Variants in RAD51AP2 observed in about 807,000 individuals in gnomAD.
RAD51AP2 encodes RAD51-associated protein 2.
Under a neutral mutation model 85.5 loss-of-function variants are expected in RAD51AP2, and 67 were observed. The observed-to-expected ratio is 0.78, with a 90% confidence interval of 0.64 to 0.96. The LOEUF (loss-of-function observed/expected upper bound fraction) is 0.96. RAD51AP2 is among the 40% of genes least tolerant of loss of function. The pLI, the probability that RAD51AP2 is intolerant of heterozygous loss-of-function variation, is 0.00. For synonymous variants in RAD51AP2, 474 were observed against 446.5 expected (o/e 1.06, Z -0.78); for missense variants, 1,307 against 1,332.4 (o/e 0.98, Z 0.30).
At chr2:17,533,627 AT>A in the RAD51AP2 span, among the ~76,000 whole-genome samples, 1 of 152,198 alleles carries the variant, frequency 6.6e-6, no homozygotes, top group Non-Finnish European at 1.5e-5. Context: ...TAGCAGTGAA[AT>A]TTTGTTTTCA....
At chr2:17,514,181 T>G (rs1662577699) in intron 1 of RAD51AP2, 89 bp from the exon 2 acceptor site, 4 of 801,358 alleles carry the variant, frequency 5.0e-6, no homozygotes, top group Non-Finnish European at 8.1e-6. Flanking sequence ...CAGAAATATT[T>G]CCTTCAGTTG....
intron 2 of RAD51AP2, among the ~76,000 whole-genome samples, chr2:17,511,557 T>G (rs1662495536): frequency 6.6e-6 from 1 of 152,010 alleles, no homozygotes; most frequent in Admixed American, 6.5e-5. Context: ...ACAATATCTC[T>G]AACTTTCAGG....
chr2:17,520,210 AAG>A (rs1662826821), upstream of RAD51AP2, among the ~76,000 whole-genome samples: 2 of 152,218 alleles, frequency 1.3e-5, no homozygotes, highest in Non-Finnish European at 2.9e-5. Context: ...AGACCAAAAA[AAG>A]AGTCTTTTCT....
chr2:17,529,936 T>A, the RAD51AP2 span, among the ~76,000 whole-genome samples: 1 of 152,200 alleles, frequency 6.6e-6, no homozygotes, highest in Non-Finnish European at 1.5e-5. Flanking sequence ...TGTCTGGACA[T>A]GCTCTTAGTG....
chr2:17,515,904 T>A lies in RAD51AP2; in HGVS notation c.2512A>T (p.Lys838Ter). The change falls in exon 1 of 3, where the codon AAA becomes TAA. Residue 838 changes from lysine to a stop codon, truncating the protein, a stop_gained. Transcript: ENST00000399080. LOFTEE classifies it high-confidence loss of function. ...KYDLILKEEV[K>*]VTAESLTNSC... ...TTTGTTAAACTTTCAGCTGTGACTT[T>A]TACTTCCTCTTTCAAAATTAAGTCA... The A allele has an allele frequency of 6.2e-7, 1 of 1,603,802 alleles. No homozygotes were observed. The highest frequency in any genetic ancestry group is 8.5e-7 in the Non-Finnish European group (1 of 1,177,354).
At chr2:17,522,595 A>T (rs1209470559), upstream of RAD51AP2, among the ~76,000 whole-genome samples, 1 of 152,032 alleles carries the variant, frequency 6.6e-6, no homozygotes, top group African/African-American at 2.4e-5. Context: ...TACTCTAATA[A>T]ATTTCAGTAA....
chr2:17,513,656 A>G (rs751144700), intron 2 of RAD51AP2, among the ~76,000 whole-genome samples: 19 of 152,188 alleles, frequency 1.2e-4, no homozygotes, highest in Non-Finnish European at 2.5e-4. Context: ...CTTCATAACA[A>G]TGAGAAGCAT....
At position 17,516,571 on chromosome 2, in the gene RAD51AP2, C is replaced by T; in HGVS notation, c.1845G>A (p.Leu615=). 6.3e-7 allele frequency: 1 copy of T among 1,583,726 alleles called. No homozygotes were observed. The change falls in exon 1 of 3, where the codon TTG becomes TTA. Residue 615 remains leucine (L), a synonymous_variant. Coordinates refer to ENST00000399080, the MANE Select transcript of RAD51AP2 (RefSeq NM_001099218.3). ...EECIFKCMLY[L]KYPKNIVENH... ...TTTCCACTATATTTTTTGGATACTT[C>T]AAATAAAGCATGCACTTGAAAATGC...
the RAD51AP2 span, among the ~76,000 whole-genome samples, chr2:17,524,095 T>C: frequency 4.6e-5 from 7 of 151,956 alleles, no homozygotes; most frequent in Non-Finnish European, 1.0e-4. Context: ...CAACAATACA[T>C]TGCCGAATCA....
rs1262311306 is a variant in RAD51AP2, at chr2:17,516,613, A to G, written c.1803T>C (p.Phe601=). ...TGAAAATGCATTCCTCTTCTAATTC[A>G]AAATCATTTTCAATTCTTGTTAAAG... ...FDSLTRIEND[F]ELEEECIFKC... The change falls in exon 1 of 3, where the codon TTT becomes TTC. Residue 601 remains phenylalanine, a synonymous_variant. Coordinates refer to ENST00000399080, the MANE Select transcript of RAD51AP2 (RefSeq NM_001099218.3). 1 of 1,575,532 alleles carries G rather than the reference A, an allele frequency of 6.3e-7. No individual in the cohort carries two copies. Among genetic ancestry groups the G allele is most frequent in the South Asian group, 1.2e-5 (1 of 84,180 alleles).
At position 17,517,252 on chromosome 2, in the gene RAD51AP2, C is replaced by T. The variant is rs746394950; in HGVS notation, c.1164G>A (p.Arg388=). 7 of 1,613,924 alleles carry T rather than the reference C, an allele frequency of 4.3e-6. No homozygotes were observed. The highest frequency in any genetic ancestry group is 5.9e-6 in the Non-Finnish European group (7 of 1,179,924). ...AGTCCCAGTTTTGAGATTTTTCCAG[C>T]CTGGTAAGTACGTAACTGTCCAGAC... ...AECLDSYVLT[R]LEKSQNWDCN... The change falls in exon 1 of 3, where the codon AGG becomes AGA. Residue 388 remains arginine, a synonymous_variant. Transcript: ENST00000399080.
chr2:17,520,935 T>C (rs1314715176), upstream of RAD51AP2, among the ~76,000 whole-genome samples: 1 of 152,150 alleles, frequency 6.6e-6, no homozygotes, highest in Non-Finnish European at 1.5e-5. Context: ...TCCTCCCTGC[T>C]GTAGCCAATC....
chr2:17,516,452 G>C lies in RAD51AP2; in HGVS notation c.1964C>G (p.Thr655Ser), dbSNP rs747995073. The C allele has an allele frequency of 7.8e-5, 123 of 1,568,988 alleles. No homozygotes were observed. The highest frequency in any genetic ancestry group is 9.6e-5 in the Non-Finnish European group (111 of 1,154,442). Residue 655 changes from threonine to serine, a missense_variant, in exon 1 of 3, where the codon ACT (threonine) becomes AGT (serine). Coordinates refer to ENST00000399080, the MANE Select transcript of RAD51AP2 (RefSeq NM_001099218.3). ...PMLKKRKLFR[T>S]EQVFEKSKKK... ...CTTAGACTTTTCAAAAACTTGTTCA[G>C]TTCTAAATAACTTCCTTTTCTTTAA...
chr2:17,513,887 T>G (rs1662569061), intron 2 of RAD51AP2, 125 bp downstream of exon 2: 1 of 624,432 alleles, frequency 1.6e-6, no homozygotes, highest in Admixed American at 3.1e-5. Flanking sequence ...ATTAATGCTC[T>G]TAAAAGGTGC....
chr2:17,527,569 T>C, the RAD51AP2 span, among the ~76,000 whole-genome samples: 2 of 152,180 alleles, frequency 1.3e-5, no homozygotes, highest in Non-Finnish European at 2.9e-5. Context: ...GAACCTGTAT[T>C]GTAGTATCGG....
Position 17,510,877 on chromosome 2 carries a change from C to T in RAD51AP2, c.3407G>A (p.Arg1136Lys), listed in dbSNP as rs751389476. ...CSRPIRIGLS[R>K]KARIKQLHPY... ...ATGAAGTTGTTTAATCCTTGCTTTT[C>T]TTGACAAACCAATCCTGATTGGCCT... The change falls in exon 3 of 3, where the codon AGA becomes AAA. Residue 1136 changes from arginine (R) to lysine (K), a missense_variant. Transcript: ENST00000399080. The T allele has an allele frequency of 1.2e-6, 2 of 1,609,532 alleles. No homozygotes were observed. Among genetic ancestry groups the T allele is most frequent in the East Asian group, 2.2e-5 (1 of 44,648 alleles).
At chr2:17,535,285 C>A in the RAD51AP2 span, among the ~76,000 whole-genome samples, 1 of 152,150 alleles carries the variant, frequency 6.6e-6, no homozygotes, top group Non-Finnish European at 1.5e-5. Flanking sequence ...ATTTGGTATA[C>A]TGCAGGTAAC....
At chr2:17,529,453 A>G in the RAD51AP2 span, among the ~76,000 whole-genome samples, 19 of 152,224 alleles carry the variant, frequency 1.2e-4, no homozygotes, top group Admixed American at 5.2e-4. Context: ...TCTAGATAGT[A>G]AAATCATAGA....
the RAD51AP2 span, among the ~76,000 whole-genome samples, chr2:17,525,717 A>G: frequency 6.6e-6 from 1 of 152,042 alleles, no homozygotes; most frequent in African/African-American, 2.4e-5. Flanking sequence ...ATCAACTTCC[A>G]CAAGCTAATC....
Sources: allele counts gnomAD v4.1 joint callset (sites outside exome capture counted in the v4.1 genomes callset), GRCh38; gene constraint gnomAD v4.1.1; transcripts MANE v1.5; gene names NCBI Gene and HGNC (gene_info 2026-07-23, HGNC 2026-07-21).